Variants in RALY observed in about 807,000 individuals in gnomAD.
RALY encodes the protein RALY heterogeneous nuclear ribonucleoprotein, also known as RNA-binding protein Raly.
RALY carries 15 observed loss-of-function variants against 30.7 expected under a neutral mutation model. The observed-to-expected ratio is 0.49, with a 90% CI of 0.33 to 0.75. RALY has a LOEUF of 0.75. Ranked by LOEUF, RALY falls within the 30% of genes least tolerant of loss-of-function variation. The pLI, the probability that RALY is intolerant of heterozygous loss-of-function variation, is 0.02. For missense variants in RALY, 339 were observed against 414.3 expected (o/e 0.82, Z 1.58); for synonymous variants, 177 against 170.8 (o/e 1.04, Z -0.28).
At chr20:34,017,065 A>C (rs2031634787) in intron 1 of RALY, among the ~76,000 whole-genome samples, 1 of 17,944 alleles carries the variant, frequency 5.6e-5, no homozygotes, top group Non-Finnish European at 9.3e-5. Context: ...GGCTACCCTG[A>C]ACAAACGGGG....
chr20:34,025,788 C>T (rs140915255), intron 1 of RALY, among the ~76,000 whole-genome samples: 5 of 151,944 alleles, frequency 3.3e-5, no homozygotes, highest in East Asian at 3.9e-4. Flanking sequence ...TGTCCCAGAC[C>T]GTTTGCTTGA....
rs2030455489 is a variant in RALY at position 33,994,121 on chromosome 20, T to G, written c.-103T>G. 1 of 152,244 alleles carries G rather than the reference T, an allele frequency of 6.6e-6. No individual in the cohort carries two copies. The highest frequency in any genetic ancestry group is 1.5e-5 in the Non-Finnish European group (1 of 68,116). 9.4% of individuals were successfully genotyped at this position (152,244 alleles called of 1,614,324 possible). A position where few individuals can be genotyped will look rare whatever the true frequency, so the allele number is the denominator to read the frequency against. Reference sequence around the variant, plus strand: ...CCAGCCGCGCGGCTTCCTCCAGACCTCTCGGCGCGGGTGAGTGGGGACTGC... The same window carrying G: ...CCAGCCGCGCGGCTTCCTCCAGACCGCTCGGCGCGGGTGAGTGGGGACTGC... On this transcript the variant is annotated 5_prime_UTR_variant, in exon 1 of 10. Coordinates refer to ENST00000246194, the MANE Select transcript of RALY (RefSeq NM_016732.3).
At chr20:34,041,573 T>C (rs1187188500) in intron 2 of RALY, among the ~76,000 whole-genome samples, 2 of 152,326 alleles carry the variant, frequency 1.3e-5, no homozygotes, top group African/African-American at 4.8e-5. Context: ...AGCCTTCCTC[T>C]GCCCTCTTGT....
chr20:34,071,238 G>A (rs1318147607), intron 2 of RALY, among the ~76,000 whole-genome samples: 2 of 151,984 alleles, frequency 1.3e-5, no homozygotes, highest in African/African-American at 2.4e-5. Flanking sequence ...CAAAATGGTT[G>A]GTAGCAATTC....
intron 2 of RALY, among the ~76,000 whole-genome samples, chr20:34,033,625 C>A (rs946462692): frequency 6.6e-6 from 1 of 152,154 alleles, no homozygotes; most frequent in African/African-American, 2.4e-5. Context: ...CCCCTACCCT[C>A]CTTCCAGGGA....
chr20:34,072,803 T>A (rs551715999), intron 3 of RALY, among the ~76,000 whole-genome samples: 20 of 152,338 alleles, frequency 1.3e-4, no homozygotes, highest in African/African-American at 4.6e-4. Flanking sequence ...TGCATGTGCA[T>A]TTACTCCTGT....
At chr20:34,044,978 T>C (rs2032829637) in intron 2 of RALY, among the ~76,000 whole-genome samples, 1 of 152,098 alleles carries the variant, frequency 6.6e-6, no homozygotes, top group Non-Finnish European at 1.5e-5. Context: ...AGTGGCATGA[T>C]CGTGGCTCAC....
intron 2 of RALY, among the ~76,000 whole-genome samples, chr20:34,044,845 A>G (rs897672547): frequency 2.0e-5 from 3 of 152,210 alleles, no homozygotes; most frequent in Non-Finnish European, 4.4e-5. Context: ...CATTCAACAG[A>G]TGTCTGATAC....
chr20:34,074,649 T>G (rs542381642), intron 5 of RALY, among the ~76,000 whole-genome samples: 1 of 151,782 alleles, frequency 6.6e-6, no homozygotes, highest in East Asian at 2.0e-4. Flanking sequence ...ATCTCAGCTC[T>G]GCCACTGAAT....
intron 1 of RALY, among the ~76,000 whole-genome samples, chr20:33,998,740 CTG>C (rs1052368431): frequency 1.3e-5 from 2 of 152,104 alleles, no homozygotes; most frequent in Non-Finnish European, 2.9e-5. Context: ...AGCTAGAACA[CTG>C]TGGGCAGAGA....
intron 1 of RALY, among the ~76,000 whole-genome samples, chr20:33,999,121 C>G (rs1462216326): frequency 1.6e-5 from 2 of 123,826 alleles, no homozygotes; most frequent in African/African-American, 3.2e-5. Flanking sequence ...GAGACTCCAT[C>G]TCAAAAAAAA....
At chr20:34,047,206 G>A (rs1430430928) in intron 2 of RALY, among the ~76,000 whole-genome samples, 1 of 152,178 alleles carries the variant, frequency 6.6e-6, no homozygotes. Flanking sequence ...CTAATCTGCT[G>A]ACCTTGGAAA....
At chr20:34,030,331 T>G (rs1431529712) in intron 1 of RALY, among the ~76,000 whole-genome samples, 1 of 152,220 alleles carries the variant, frequency 6.6e-6, no homozygotes, top group Non-Finnish European at 1.5e-5. Context: ...CTTACAAGAT[T>G]GTTGTAAAGA....
At chr20:34,040,141 A>G (rs1320251968) in intron 2 of RALY, among the ~76,000 whole-genome samples, 3 of 152,082 alleles carry the variant, frequency 2.0e-5, no homozygotes, top group African/African-American at 7.2e-5. Flanking sequence ...ATGATAATAG[A>G]TTCAGCACAC....
At chr20:34,011,450 T>C (rs1322197161) in intron 1 of RALY, among the ~76,000 whole-genome samples, 1 of 152,188 alleles carries the variant, frequency 6.6e-6, no homozygotes, top group African/African-American at 2.4e-5. Context: ...TCCTTGGGCC[T>C]AAACATCTGC....
At chr20:33,995,892 C>T (rs2030598340) in intron 1 of RALY, among the ~76,000 whole-genome samples, 1 of 152,120 alleles carries the variant, frequency 6.6e-6, no homozygotes, top group Non-Finnish European at 1.5e-5. Context: ...TAAAAGGGCA[C>T]GAAACCACTT....
intron 2 of RALY, among the ~76,000 whole-genome samples, chr20:34,067,322 C>A (rs2033602350): frequency 6.6e-6 from 1 of 152,112 alleles, no homozygotes. Flanking sequence ...TGCCACCATG[C>A]CCGGCTAATT....
At chr20:34,054,426 A>G (rs926919621) in intron 2 of RALY, among the ~76,000 whole-genome samples, 5 of 152,180 alleles carry the variant, frequency 3.3e-5, no homozygotes, top group Non-Finnish European at 7.4e-5. Context: ...GGATCTGCCT[A>G]CGGGGTGGGA....
chr20:34,076,996 T>TA, intron 7 of RALY, 32 bp from the exon 8 acceptor site: 2 of 1,610,370 alleles, frequency 1.2e-6, no homozygotes, highest in Non-Finnish European at 1.7e-6. Flanking sequence ...GGCTGAGTTT[T>TA]ATTCTCCCCT....
Sources: allele counts gnomAD v4.1 joint callset (sites outside exome capture counted in the v4.1 genomes callset), GRCh38; gene constraint gnomAD v4.1.1; transcripts MANE v1.5; gene names NCBI Gene and HGNC (gene_info 2026-07-23, HGNC 2026-07-21).